Variants in GLIS3 observed in about 807,000 individuals in gnomAD.
GLIS3 encodes GLIS family zinc finger 3, also known as zinc finger protein GLIS3.
GLIS3 carries 53 observed loss-of-function variants against 78.6 expected under a neutral mutation model. The observed-to-expected ratio is 0.67, with a 90% confidence interval of 0.54 to 0.85. GLIS3 has a LOEUF of 0.85. Ranked by LOEUF, GLIS3 falls within the 40% of genes least tolerant of loss-of-function variation. GLIS3 has a pLI of 0.00. For missense variants in GLIS3, 1,703 were observed against 1,231.1 expected, an observed-to-expected ratio of 1.38 and a Z score of -5.74; for synonymous variants, 684 against 509.9, an observed-to-expected ratio of 1.34 and a Z score of -4.60.
intron 4 of GLIS3, among the ~76,000 whole-genome samples, chr9:3,996,586 T>C (rs936536024): frequency 3.3e-5 from 5 of 152,154 alleles, no homozygotes; most frequent in African/African-American, 1.2e-4. Context: ...TAACCTGATA[T>C]GGTTATGGTA....
chr9:4,125,359 A>C lies in GLIS3; in HGVS notation c.596+375T>G, dbSNP rs182016530. Among the ~76,000 whole-genome samples the C allele has an allele frequency of 1.6e-3, 237 of 152,316 alleles. 2 individuals carry two copies. Among genetic ancestry groups the C allele is most frequent in the African/African-American group, 5.2e-3 (215 of 41,574 alleles). On this transcript the variant is annotated intron_variant, in intron 3 of 10. Transcript: ENST00000381971. ...TGGAAACTCTGCATCATATTCATAG[A>C]AAACCTGGCAGGTAAGATAGGTGTA...
At chr9:4,463,862 T>C in the GLIS3 span, among the ~76,000 whole-genome samples, 3 of 152,198 alleles carry the variant, frequency 2.0e-5, no homozygotes, top group African/African-American at 7.2e-5. Context: ...CAGTCATTGA[T>C]AGAAAGCAGT....
chr9:4,085,224 G>A (rs1012489719), intron 4 of GLIS3, among the ~76,000 whole-genome samples: 2 of 151,392 alleles, frequency 1.3e-5, no homozygotes, highest in South Asian at 2.1e-4. Flanking sequence ...CTGTCATTCC[G>A]CCTTTATAAT....
In GLIS3 at chr9:3,923,448, C is replaced by G. The variant is rs143100403; in HGVS notation, c.1983+8912G>C. On this transcript the variant is annotated intron_variant, in intron 6 of 10. Transcript: ENST00000381971. ...GTCCATACGCCAAAAAATCTGGAAT[C>G]CGGGTAATAAGAAAAAATTGTGGGA... Among the ~76,000 whole-genome samples the G allele has an allele frequency of 2.3e-3, 347 of 152,126 alleles. 3 individuals carry two copies. The highest frequency in any genetic ancestry group is 8.1e-3 in the African/African-American group (336 of 41,496).
intron 4 of GLIS3, among the ~76,000 whole-genome samples, chr9:4,014,697 T>C (rs1227497487): frequency 6.6e-6 from 1 of 152,216 alleles, no homozygotes; most frequent in Admixed American, 6.5e-5. Context: ...AGAATAGATT[T>C]GTTTTAAGCC....
At chr9:4,330,782 G>A (rs574046633) in intron 2 of GLIS3, among the ~76,000 whole-genome samples, 1 of 152,300 alleles carries the variant, frequency 6.6e-6, no homozygotes, top group South Asian at 2.1e-4. Context: ...GGACTCAGGA[G>A]ATAACTTAGA....
chr9:4,039,259 T>C (rs533793805), intron 4 of GLIS3, among the ~76,000 whole-genome samples: 1 of 152,330 alleles, frequency 6.6e-6, no homozygotes, highest in Non-Finnish European at 1.5e-5. Flanking sequence ...TATTATGTAA[T>C]TGGTGCCGAG....
intron 2 of GLIS3, among the ~76,000 whole-genome samples, chr9:4,161,696 G>A (rs1365997359): frequency 1.0e-4 from 3 of 29,296 alleles, no homozygotes; most frequent in African/African-American, 4.9e-4. Flanking sequence ...TTTTTTTTTT[G>A]AGACAGAGTT....
chr9:4,321,421 C>CCAAAAAAA (rs1817525732), intron 2 of GLIS3, among the ~76,000 whole-genome samples: 1 of 16,304 alleles, frequency 6.1e-5, no homozygotes, highest in Non-Finnish European at 1.1e-4. Flanking sequence ...GACTCCGTCT[C>CCAAAAAAA]AAAAAAAAAA....
intron 6 of GLIS3, among the ~76,000 whole-genome samples, chr9:3,930,014 T>G (rs183185958): frequency 7.2e-5 from 11 of 152,322 alleles, no homozygotes; most frequent in Admixed American, 1.3e-4. Context: ...AGCACAAGAT[T>G]TGGAAATGTG....
intron 8 of GLIS3, among the ~76,000 whole-genome samples, chr9:3,866,224 T>G (rs1242412843): frequency 6.6e-6 from 1 of 152,212 alleles, no homozygotes; most frequent in African/African-American, 2.4e-5. Context: ...ATAGTCTCTG[T>G]GCTCAGGGAG....
intron 8 of GLIS3, among the ~76,000 whole-genome samples, chr9:3,876,271 T>A (rs1242433400): frequency 6.6e-6 from 1 of 151,660 alleles, no homozygotes; most frequent in Non-Finnish European, 1.5e-5. Context: ...ACAATAATAA[T>A]AACAATAAAA....
chr9:4,157,769 A>G (rs1395067079), intron 2 of GLIS3, among the ~76,000 whole-genome samples: 1 of 152,174 alleles, frequency 6.6e-6, no homozygotes, highest in East Asian at 1.9e-4. Context: ...CCAAGATGTC[A>G]GTGTAACCAG....
chr9:4,096,963 G>T (rs1022625868), intron 4 of GLIS3, among the ~76,000 whole-genome samples: 1 of 152,160 alleles, frequency 6.6e-6, no homozygotes, highest in Admixed American at 6.5e-5. Flanking sequence ...AGTGAGCCGA[G>T]ATCGTGCCAC....
At chr9:4,285,169 C>T (rs1827880329) in intron 2 of GLIS3, among the ~76,000 whole-genome samples, 1 of 152,080 alleles carries the variant, frequency 6.6e-6, no homozygotes, top group South Asian at 2.1e-4. Flanking sequence ...GCTAAAAATA[C>T]CTTAAGGAAT....
chr9:4,449,909 G>A, the GLIS3 span, among the ~76,000 whole-genome samples: 1 of 152,196 alleles, frequency 6.6e-6, no homozygotes. Flanking sequence ...AGGAAAACCT[G>A]AAAATTCTAA....
chr9:4,015,732 A>G (rs779975850), intron 4 of GLIS3, among the ~76,000 whole-genome samples: 1 of 151,916 alleles, frequency 6.6e-6, no homozygotes, highest in Non-Finnish European at 1.5e-5. Context: ...TACTAAAAAT[A>G]CAAAGTATTA....
chr9:4,264,133 A>T (rs1825770024), intron 2 of GLIS3, among the ~76,000 whole-genome samples: 2 of 152,120 alleles, frequency 1.3e-5, no homozygotes, highest in Admixed American at 1.3e-4. Flanking sequence ...CTGATCTCTG[A>T]CCCCCAATTC....
At chr9:4,396,892 G>A in the GLIS3 span, among the ~76,000 whole-genome samples, 1 of 152,052 alleles carries the variant, frequency 6.6e-6, no homozygotes, top group Non-Finnish European at 1.5e-5. Flanking sequence ...TTTCATGAGA[G>A]TTTTGCTCCT....
Sources: allele counts gnomAD v4.1 joint callset (sites outside exome capture counted in the v4.1 genomes callset), GRCh38; gene constraint gnomAD v4.1.1; transcripts MANE v1.5; gene names NCBI Gene and HGNC (gene_info 2026-07-23, HGNC 2026-07-21).